NFIB: variants seen among roughly 807,000 people sequenced by gnomAD.
The protein encoded by NFIB is nuclear factor 1 B-type.
NFIB carries 11 observed loss-of-function variants against 61.5 expected under a neutral mutation model. The observed-to-expected ratio is 0.18, with a 90% CI of 0.11 to 0.30. The LOEUF is 0.30. Ranked by LOEUF, NFIB falls within the 10% of genes least tolerant of loss-of-function variation. NFIB has a pLI of 1.00. For synonymous variants in NFIB, 260 were observed against 216.5 expected (o/e 1.20, Z -1.76); for missense variants, 471 against 608.9 (o/e 0.77, Z 2.38).
At chr9:14,497,282 T>C in the NFIB span, among the ~76,000 whole-genome samples, 4,982 of 152,268 alleles carry the variant, frequency 0.033, 271 homozygotes, top group African/African-American at 0.11. Flanking sequence ...GGTAATACCA[T>C]ATAAGGTGAA....
At chr9:14,096,887 C>A (rs2034878310) in intron 10 of NFIB, among the ~76,000 whole-genome samples, 1 of 152,142 alleles carries the variant, frequency 6.6e-6, no homozygotes, top group Admixed American at 6.5e-5. Flanking sequence ...GGGATGGCAG[C>A]ATGCAAGTCT....
At chr9:14,403,165 A>G (rs912242124), upstream of NFIB, among the ~76,000 whole-genome samples, 1 of 152,236 alleles carries the variant, frequency 6.6e-6, no homozygotes, top group African/African-American at 2.4e-5. Flanking sequence ...CACATAGTTT[A>G]TACAGGCACC....
At chr9:14,165,115 A>G (rs1177599106) in intron 3 of NFIB, among the ~76,000 whole-genome samples, 1 of 152,200 alleles carries the variant, frequency 6.6e-6, no homozygotes, top group East Asian at 1.9e-4. Context: ...CATACTAGAA[A>G]TGTGAGTAAG....
the NFIB span, among the ~76,000 whole-genome samples, chr9:14,501,535 G>A: frequency 5.2e-4 from 79 of 152,044 alleles, no homozygotes; most frequent in African/African-American, 1.9e-3. Flanking sequence ...TATTTCACAG[G>A]TTAATTGTGA....
chr9:14,224,589 C>T (rs986870593), intron 2 of NFIB, among the ~76,000 whole-genome samples: 11 of 152,154 alleles, frequency 7.2e-5, no homozygotes, highest in Admixed American at 5.9e-4. Context: ...ATGCTGAATC[C>T]ACTCAAATGA....
chr9:14,154,677 C>T (rs894387618), intron 4 of NFIB, among the ~76,000 whole-genome samples: 4 of 152,108 alleles, frequency 2.6e-5, no homozygotes, highest in Non-Finnish European at 4.4e-5. Context: ...TTTGGGCATA[C>T]ATTTATCCAC....
chr9:14,467,708 T>C, the NFIB span, among the ~76,000 whole-genome samples: 2,971 of 152,352 alleles, frequency 0.02, 81 homozygotes, highest in African/African-American at 0.067. Flanking sequence ...ATCAAACACC[T>C]ACCATAGGCC....
intron 2 of NFIB, among the ~76,000 whole-genome samples, chr9:14,233,820 G>A (rs2053460142): frequency 6.6e-6 from 1 of 152,204 alleles, no homozygotes; most frequent in African/African-American, 2.4e-5. Context: ...CTAGTAGTCT[G>A]AGCTGAAATA....
chr9:14,271,039 CGTA>C (rs1475277942), intron 2 of NFIB, among the ~76,000 whole-genome samples: 1 of 152,018 alleles, frequency 6.6e-6, no homozygotes, highest in Non-Finnish European at 1.5e-5. Context: ...CCCATTCTCA[CGTA>C]TGCATGTTTT....
At chr9:14,462,956 T>C in the NFIB span, among the ~76,000 whole-genome samples, 1 of 152,210 alleles carries the variant, frequency 6.6e-6, no homozygotes, top group Non-Finnish European at 1.5e-5. Flanking sequence ...GTGGTTCCTG[T>C]GTGCTGAATA....
chr9:14,117,278 T>A (rs572541043), intron 8 of NFIB, among the ~76,000 whole-genome samples: 2 of 152,272 alleles, frequency 1.3e-5, no homozygotes, highest in African/African-American at 4.8e-5. Context: ...CTATCTGAGT[T>A]TTAGCTCCTG....
the NFIB span, among the ~76,000 whole-genome samples, chr9:14,425,326 G>C: frequency 6.6e-6 from 1 of 152,116 alleles, no homozygotes; most frequent in South Asian, 2.1e-4. Context: ...GATGAGAGAA[G>C]CTGGTACACA....
At chr9:14,447,342 G>A in the NFIB span, among the ~76,000 whole-genome samples, 5 of 152,188 alleles carry the variant, frequency 3.3e-5, no homozygotes, top group East Asian at 1.9e-4. Flanking sequence ...AGTATGCTCC[G>A]TATTCTCAGA....
At chr9:14,268,437 C>A (rs2057372571) in intron 2 of NFIB, among the ~76,000 whole-genome samples, 1 of 152,148 alleles carries the variant, frequency 6.6e-6, no homozygotes, top group Non-Finnish European at 1.5e-5. Context: ...GTCTAGTCAC[C>A]CTCCCCTGAT....
intron 9 of NFIB, among the ~76,000 whole-genome samples, chr9:14,115,639 T>C (rs535214829): frequency 1.3e-5 from 2 of 152,274 alleles, no homozygotes; most frequent in Admixed American, 1.3e-4. Context: ...AGCTTGCAGA[T>C]AGTGAAAGTA....
chr9:14,333,685 C>T (rs1454629077), intron 1 of NFIB, among the ~76,000 whole-genome samples: 1 of 152,154 alleles, frequency 6.6e-6, no homozygotes, highest in Non-Finnish European at 1.5e-5. Flanking sequence ...AAGAAATTGT[C>T]GTGTGGTCAT....
At chr9:14,169,587 A>C (rs1237039566) in intron 3 of NFIB, among the ~76,000 whole-genome samples, 1 of 152,136 alleles carries the variant, frequency 6.6e-6, no homozygotes, top group Non-Finnish European at 1.5e-5. Context: ...TGAGGAGGCC[A>C]GGGTGGGCGG....
intron 2 of NFIB, among the ~76,000 whole-genome samples, chr9:14,226,853 A>G (rs1417615525): frequency 1.3e-5 from 2 of 152,156 alleles, no homozygotes; most frequent in African/African-American, 4.8e-5. Context: ...AGAGTAAGAA[A>G]TCTTGGCCAG....
At chr9:14,225,869 A>C (rs2052343368) in intron 2 of NFIB, among the ~76,000 whole-genome samples, 1 of 152,208 alleles carries the variant, frequency 6.6e-6, no homozygotes, top group South Asian at 2.1e-4. Context: ...TGTATATATA[A>C]CATTTTGTCA....
Sources: gnomAD v4.1 joint callset for allele counts (sites outside exome capture counted in the v4.1 genomes callset) on GRCh38, gnomAD v4.1.1 for gene constraint, MANE v1.5 for transcripts, NCBI Gene and HGNC (gene_info 2026-07-23, HGNC 2026-07-21) for gene names.